WWP2: variants seen among roughly 807,000 people sequenced by gnomAD.
The protein encoded by WWP2 is WW domain containing E3 ubiquitin protein ligase 2.
WWP2 carries 57 observed loss-of-function variants against 121.0 expected under a neutral mutation model. That is an observed-to-expected ratio of 0.47 (90% CI 0.38 to 0.59). The LOEUF is 0.59. WWP2 is among the 20% of genes least tolerant of loss of function. The pLI, the probability that WWP2 is intolerant of heterozygous loss-of-function variation, is 0.00. For synonymous variants in WWP2, 449 were observed against 441.3 expected (o/e 1.02, Z -0.22); for missense variants, 962 against 1,158.9 (o/e 0.83, Z 2.47).
intron 9 of WWP2, chr16:69,909,597 C>G (rs60248492): frequency 0.086 from 85,121 of 985,178 alleles, 6,716 homozygotes; most frequent in African/African-American, 0.37. Flanking sequence ...TTTTCCGTAC[C>G]TCCTGGAGGA....
intron 6 of WWP2, 72 bp downstream of exon 6, chr16:69,842,192 G>A: frequency 7.0e-7 from 1 of 1,423,922 alleles, no homozygotes; most frequent in East Asian, 2.4e-5. Context: ...TTGGGACATG[G>A]CGGGGAACAT....
chr16:69,903,024 A>C (rs1323602880), intron 8 of WWP2, among the ~76,000 whole-genome samples: 2 of 152,286 alleles, frequency 1.3e-5, no homozygotes, highest in African/African-American at 4.8e-5. Context: ...AAAAGGAAAA[A>C]ATGATATCAA....
intron 10 of WWP2, among the ~76,000 whole-genome samples, chr16:69,924,534 C>T (rs2058610042): frequency 6.6e-6 from 1 of 152,172 alleles, no homozygotes; most frequent in African/African-American, 2.4e-5. Context: ...ATGAGAATGC[C>T]TGGTCCACTG....
Position 69,874,784 on chromosome 16 carries a change from C to T in WWP2, c.703+2853C>T, listed in dbSNP as rs117731745. Among the ~76,000 whole-genome samples the T allele has an allele frequency of 3.2e-4, 49 of 152,220 alleles. No homozygotes were observed. In the East Asian group the frequency reaches 9.4e-3, roughly 29 times the overall value. On this transcript the variant is annotated intron_variant, in intron 7 of 23. Coordinates refer to ENST00000359154, the MANE Select transcript of WWP2 (RefSeq NM_001270454.2). ...CACATCAGTCAGAAGTTGCATCAGC[C>T]GTGGTCAGATTCCGATTCTTCATCT...
At chr16:69,883,201 T>C (rs1158143372) in intron 7 of WWP2, among the ~76,000 whole-genome samples, 2 of 152,088 alleles carry the variant, frequency 1.3e-5, no homozygotes, top group African/African-American at 4.8e-5. Flanking sequence ...ATGATGGACT[T>C]GTAACTCCTT....
At position 69,842,099 on chromosome 16, in the gene WWP2, A is replaced by C; in HGVS notation, c.554A>C (p.Asn185Thr). The C allele has an allele frequency of 6.2e-7, 1 of 1,613,142 alleles. No individual in the cohort carries two copies. The stretch of plus-strand genomic sequence containing the variant: ...AACCGGCACCAGCCCCCCAGCACAA[A>C]CTGCTTTGGTGGAAGATCCCGGTAA... ...PENRHQPPSTNCFGGRSRTHR... is the reference protein window; with the variant it reads ...PENRHQPPSTTCFGGRSRTHR... Residue 185 changes from asparagine to threonine, a missense_variant, in exon 6 of 24, where the codon AAC becomes ACC. Physicochemically the swap from Asn to Thr is moderately conservative, Grantham distance 65 (BLOSUM62 0). Around this residue, in one of 3 missense-constraint regions of WWP2, gnomAD observed 211 missense variants for 196.5 expected, o/e 1.07. Transcript: ENST00000359154.
chr16:69,799,063 G>T lies in WWP2; in HGVS notation c.219-111G>T. On this transcript the variant is annotated intron_variant, in intron 3 of 23. Transcript: ENST00000359154. This position sits in a 1 kb window ranked among gnomAD's most constrained non-coding sequence, Gnocchi z 4.5. Reference sequence around the variant, plus strand: ...GGGGAAAGGATATATGTGGGTGTCTGCCTGTTTTGGTTCCCCCTCCCCAAG... The same window carrying T: ...GGGGAAAGGATATATGTGGGTGTCTTCCTGTTTTGGTTCCCCCTCCCCAAG... 6.7e-7 allele frequency: 1 copy of T among 1,485,484 alleles called. No homozygotes were observed. The highest frequency in any genetic ancestry group is 9.1e-7 in the Non-Finnish European group (1 of 1,101,714). The allele number at this position is 1,485,484 out of a possible 1,614,324, so 92.0% of individuals were successfully genotyped here. A position where few individuals can be genotyped will look rare whatever the true frequency, so the allele number is the denominator to read the frequency against.
chr16:69,780,091 C>G (rs1405243526), intron 1 of WWP2, among the ~76,000 whole-genome samples: 1 of 152,246 alleles, frequency 6.6e-6, no homozygotes, highest in East Asian at 1.9e-4. Flanking sequence ...CCTGCTCCCT[C>G]CTCCCCTACC....
intron 7 of WWP2, among the ~76,000 whole-genome samples, chr16:69,879,925 T>G (rs2057796271): frequency 6.6e-6 from 1 of 152,150 alleles, no homozygotes; most frequent in African/African-American, 2.4e-5. Flanking sequence ...GCCTGTGCAT[T>G]TAAAAAATGT....
intron 6 of WWP2, among the ~76,000 whole-genome samples, chr16:69,850,385 T>TC (rs2057184255): frequency 2.9e-5 from 2 of 68,286 alleles, no homozygotes; most frequent in Non-Finnish European, 5.5e-5. Flanking sequence ...AGACTCCATC[T>TC]CAAAAAAAAA....
chr16:69,825,200 G>A lies in WWP2; in HGVS notation c.341-14926G>A, dbSNP rs1012546505. On this transcript the variant is annotated intron_variant, in intron 4 of 23. Transcript: ENST00000359154. ...AGCACTTTGGGAGGCTGAGGTGGGC[G>A]GATCACTTGAGGCTAGGAGTTCGAG... 1.3e-4 allele frequency among the ~76,000 whole-genome samples: 18 copies of A among 141,354 alleles called. No individual in the cohort carries two copies. The East Asian group carries it at 2.9e-3, about 22-fold the overall frequency. 92.7% of individuals were successfully genotyped at this position (141,354 alleles called of 152,430 possible).
At chr16:69,818,793 G>T (rs1195543482) in intron 4 of WWP2, among the ~76,000 whole-genome samples, 1 of 152,070 alleles carries the variant, frequency 6.6e-6, no homozygotes, top group Non-Finnish European at 1.5e-5. Context: ...AAACATGGGG[G>T]TGCTCCATGG....
At chr16:69,839,492 T>C (rs1334070076) in intron 4 of WWP2, among the ~76,000 whole-genome samples, 2 of 152,216 alleles carry the variant, frequency 1.3e-5, no homozygotes, top group African/African-American at 4.8e-5. Flanking sequence ...CAGGACTGAA[T>C]CTGCCTGGTA....
chr16:69,927,746 C>T (rs542225604), intron 11 of WWP2, among the ~76,000 whole-genome samples: 2 of 152,380 alleles, frequency 1.3e-5, no homozygotes, highest in Admixed American at 1.3e-4. Flanking sequence ...AGCCTTCCTT[C>T]TGTGTGTTCT....
Position 69,886,847 on chromosome 16 carries a change from T to G in WWP2, c.704-1192T>G, listed in dbSNP as rs78047418. 9.9e-3 allele frequency among the ~76,000 whole-genome samples: 1,501 copies of G among 152,290 alleles called. 31 individuals are homozygous for G. The highest frequency in any genetic ancestry group is 0.033 in the African/African-American group (1,372 of 41,552). The stretch of plus-strand genomic sequence containing the variant: ...TATAGTGAGCTCCCTGTAAGAAACG[T>G]TCACGAAGAATCTGGATAGCCACTT... On this transcript the variant is annotated intron_variant, in intron 7 of 23. Coordinates refer to ENST00000359154, the MANE Select transcript of WWP2 (RefSeq NM_001270454.2).
intron 7 of WWP2, among the ~76,000 whole-genome samples, chr16:69,886,472 T>G (rs1245844493): frequency 1.3e-5 from 2 of 150,626 alleles, no homozygotes; most frequent in Admixed American, 1.3e-4. Flanking sequence ...ACCAAACAAC[T>G]TTCTGGGCCA....
intron 7 of WWP2, among the ~76,000 whole-genome samples, chr16:69,872,361 C>T (rs1247673683): frequency 1.3e-5 from 2 of 152,042 alleles, no homozygotes; most frequent in East Asian, 1.9e-4. Context: ...GGACTACAGG[C>T]GCCCACTGCC....
At chr16:69,868,628 C>T (rs950399989) in intron 6 of WWP2, among the ~76,000 whole-genome samples, 2 of 151,766 alleles carry the variant, frequency 1.3e-5, no homozygotes, top group African/African-American at 4.8e-5. Flanking sequence ...AATTTTCTCC[C>T]TCAAGCTCTC....
chr16:69,803,339 AT>A (rs59561303), intron 4 of WWP2, among the ~76,000 whole-genome samples: 14 of 148,722 alleles, frequency 9.4e-5, no homozygotes, highest in East Asian at 3.9e-4. Flanking sequence ...ACTTTTTTCT[AT>A]TTTTTTTTTA....
Sources: gnomAD v4.1 joint callset for allele counts (sites outside exome capture counted in the v4.1 genomes callset) on GRCh38, gnomAD v4.1.1 for gene constraint, gnomAD v4.1.1 regional missense constraint, Gnocchi (gnomAD v3.1) non-coding constraint, MANE v1.5 for transcripts, NCBI Gene and HGNC (gene_info 2026-07-23, HGNC 2026-07-21) for gene names.